The following CCDC178 variants were observed in gnomAD, a reference collection of about 807,000 sequenced individuals.
CCDC178 encodes the protein coiled-coil domain containing 178.
A neutral mutation model predicts 117.4 loss-of-function variants in CCDC178; 126 were observed. The ratio of observed to expected loss-of-function variants is 1.07; its 90% CI spans 0.93 to 1.24. CCDC178 has a LOEUF of 1.24. CCDC178 is among the 50% of genes most tolerant of loss of function. The probability of loss-of-function intolerance (pLI) is 0.00; values close to 1 mark genes in which losing one functional copy is unlikely to be tolerated. For missense variants in CCDC178, 1,030 were observed against 986.9 expected (o/e 1.04, Z -0.59); for synonymous variants, 283 against 313.4 (o/e 0.90, Z 1.02).
chr18:33,216,798 T>G (rs537653429), intron 18 of CCDC178, among the ~76,000 whole-genome samples: 1 of 152,124 alleles, frequency 6.6e-6, no homozygotes, highest in East Asian at 1.9e-4. Context: ...TTTTTTCTCC[T>G]TATACTAGAA....
intron 21 of CCDC178, among the ~76,000 whole-genome samples, chr18:33,053,197 A>G (rs8095084): frequency 0.14 from 21,688 of 152,178 alleles, 2,398 homozygotes; most frequent in African/African-American, 0.31. Flanking sequence ...GAAAATCACA[A>G]GCTTCGATCC....
intron 10 of CCDC178, chr18:33,328,083 ATTTTTTTTTTTTT>A (rs771034112): frequency 3.4e-4 from 34 of 100,680 alleles, no homozygotes; most frequent in Non-Finnish European, 4.3e-4. Context: ...TTATCCCTAG[ATTTTTTTTTTTTT>A]TTTTTTTTTT....
intron 3 of CCDC178, among the ~76,000 whole-genome samples, chr18:33,406,702 A>G (rs1488777815): frequency 6.6e-6 from 1 of 152,170 alleles, no homozygotes; most frequent in African/African-American, 2.4e-5. Flanking sequence ...TATATGTCAA[A>G]AATAAATCAA....
At chr18:33,054,112 T>C (rs1421975641) in intron 21 of CCDC178, among the ~76,000 whole-genome samples, 4 of 152,176 alleles carry the variant, frequency 2.6e-5, no homozygotes, top group African/African-American at 2.4e-5. Flanking sequence ...ATACACCCTT[T>C]CCTATAATTA....
intron 21 of CCDC178, among the ~76,000 whole-genome samples, chr18:33,069,392 GT>G (rs1323389036): frequency 6.6e-6 from 1 of 152,008 alleles, no homozygotes; most frequent in Non-Finnish European, 1.5e-5. Flanking sequence ...ATAGCCAACT[GT>G]TCTTTCAAAG....
At chr18:33,010,283 A>C (rs1394796498) in intron 21 of CCDC178, among the ~76,000 whole-genome samples, 1 of 152,150 alleles carries the variant, frequency 6.6e-6, no homozygotes, top group African/African-American at 2.4e-5. Flanking sequence ...TAACGGTAGA[A>C]TCCCAAAGGA....
chr18:33,207,253 G>A (rs1285844364), intron 20 of CCDC178, among the ~76,000 whole-genome samples: 1 of 151,940 alleles, frequency 6.6e-6, no homozygotes, highest in African/African-American at 2.4e-5. Flanking sequence ...GTAAATCTCT[G>A]TTCCAATATC....
intron 6 of CCDC178, among the ~76,000 whole-genome samples, chr18:33,364,370 A>G (rs1323271003): frequency 1.3e-5 from 2 of 152,068 alleles, no homozygotes; most frequent in African/African-American, 4.8e-5. Context: ...AGAATAAATG[A>G]GTGATTGGGA....
intron 20 of CCDC178, among the ~76,000 whole-genome samples, chr18:33,152,319 G>A (rs745592702): frequency 5.3e-5 from 8 of 151,958 alleles, no homozygotes; most frequent in African/African-American, 1.5e-4. Context: ...TTTCAAATAC[G>A]CAAAGTGGGA....
chr18:33,411,849 T>C (rs560487688), intron 3 of CCDC178, among the ~76,000 whole-genome samples, 182 bp downstream of exon 3: 1 of 152,270 alleles, frequency 6.6e-6, no homozygotes, highest in South Asian at 2.1e-4. Context: ...AGATAATGTG[T>C]TTTTGTTACG....
intron 22 of CCDC178, among the ~76,000 whole-genome samples, chr18:32,940,892 A>G (rs747605569): frequency 8.6e-5 from 13 of 151,890 alleles, no homozygotes; most frequent in Non-Finnish European, 1.8e-4. Context: ...GTGGGAAATG[A>G]TTTTCTGGGG....
intron 3 of CCDC178, among the ~76,000 whole-genome samples, chr18:33,411,364 C>G (rs1016320200): frequency 6.6e-6 from 1 of 151,876 alleles, no homozygotes; most frequent in Admixed American, 6.6e-5. Flanking sequence ...CTTCTTTTTT[C>G]TTTTCTTTTC....
intron 21 of CCDC178, among the ~76,000 whole-genome samples, chr18:33,007,263 G>A (rs949432050): frequency 2.6e-5 from 4 of 151,880 alleles, no homozygotes; most frequent in African/African-American, 9.7e-5. Context: ...AACACAGAAA[G>A]TTATAGTTGT....
chr18:32,987,542 C>G (rs2055289160), intron 21 of CCDC178, among the ~76,000 whole-genome samples: 1 of 152,158 alleles, frequency 6.6e-6, no homozygotes, highest in African/African-American at 2.4e-5. Context: ...TGTGTACATA[C>G]AGATATACAT....
At chr18:33,378,899 T>C (rs1230672797) in intron 5 of CCDC178, among the ~76,000 whole-genome samples, 7 of 151,926 alleles carry the variant, frequency 4.6e-5, no homozygotes, top group Admixed American at 2.6e-4. Context: ...GTTGTTTTCT[T>C]TTTTCATTGT....
At chr18:33,341,647 T>C (rs1039439997) in intron 9 of CCDC178, among the ~76,000 whole-genome samples, 1 of 152,182 alleles carries the variant, frequency 6.6e-6, no homozygotes, top group African/African-American at 2.4e-5. Context: ...TGAGATCTGA[T>C]GGGTTTATCA....
At chr18:33,374,500 G>C (rs1347321067) in intron 5 of CCDC178, among the ~76,000 whole-genome samples, 1 of 152,090 alleles carries the variant, frequency 6.6e-6, no homozygotes, top group African/African-American at 2.4e-5. Context: ...GTATCAGAGA[G>C]GATATAGAAC....
chr18:33,313,034 C>T (rs1443566042), intron 11 of CCDC178, among the ~76,000 whole-genome samples: 1 of 152,212 alleles, frequency 6.6e-6, no homozygotes, highest in African/African-American at 2.4e-5. Context: ...TAGTCTCTCT[C>T]ACAGGTGTAA....
chr18:33,250,813 T>C (rs1454061229), intron 14 of CCDC178, among the ~76,000 whole-genome samples: 1 of 151,560 alleles, frequency 6.6e-6, no homozygotes, highest in African/African-American at 2.4e-5. Context: ...TCTTACTTAG[T>C]ACTAAACTGA....
Sources: allele counts gnomAD v4.1 joint callset (sites outside exome capture counted in the v4.1 genomes callset), GRCh38; gene constraint gnomAD v4.1.1; transcripts MANE v1.5; gene names NCBI Gene and HGNC (gene_info 2026-07-23, HGNC 2026-07-21).